Variants in SPATA22 observed in about 807,000 individuals in gnomAD.
SPATA22 encodes spermatogenesis-associated protein 22.
In SPATA22, 29 loss-of-function variants were observed where a neutral mutation model predicts 47.8. That is an observed-to-expected ratio of 0.61 (90% CI 0.45 to 0.83). SPATA22 has a LOEUF of 0.83. Among genes scored for constraint, SPATA22 ranks in the 40% least tolerant of loss-of-function variants. The pLI is 0.00. For missense variants in SPATA22, 410 were observed against 421.7 expected (o/e 0.97, Z 0.24); for synonymous variants, 133 against 140.9 (o/e 0.94, Z 0.40).
At chr17:3,492,814 T>G (rs2150757175) in intron 1 of SPATA22, among the ~76,000 whole-genome samples, 1 of 152,254 alleles carries the variant, frequency 6.6e-6, no homozygotes, top group East Asian at 1.9e-4. Context: ...CCAGGTGAGC[T>G]GTCAGCTTAC....
At chr17:3,446,414 C>T in intron 7 of SPATA22, 58 bp downstream of exon 7, 2 of 1,514,152 alleles carry the variant, frequency 1.3e-6, no homozygotes, top group Non-Finnish European at 8.9e-7. Context: ...ACTAATCAGA[C>T]ATTAAAACCT....
intron 5 of SPATA22, among the ~76,000 whole-genome samples, chr17:3,451,550 G>A (rs570547019): frequency 4.7e-4 from 72 of 152,216 alleles, no homozygotes; most frequent in Middle Eastern, 6.8e-3. Context: ...GATAACTCAC[G>A]TTAGGTCACA....
In SPATA22 at chr17:3,465,499, C is replaced by G. The variant is rs541870407; in HGVS notation, c.172+1927G>C. Among the ~76,000 whole-genome samples, 22 of 152,134 alleles carry G rather than the reference C, an allele frequency of 1.4e-4. No homozygotes were observed. The East Asian group carries it at 1.9e-3, about 13-fold the overall frequency. On this transcript the variant is annotated intron_variant, in intron 3 of 8. Transcript: ENST00000572969. ...CTTACCCCCCAACCCTGTGCTCTCT[C>G]AAACATGTGCTGTGTCCACTCAGGG... is the stretch of plus-strand genomic sequence containing the variant.
At position 3,510,058 on chromosome 17, in the gene SPATA22, A is replaced by G. The variant is rs375225270; in HGVS notation, c.-74+3354T>C. Among the ~76,000 whole-genome samples, 9 of 152,242 alleles carry G rather than the reference A, an allele frequency of 5.9e-5. No individual in the cohort carries two copies. The South Asian group carries it at 1.9e-3, about 32-fold the overall frequency. On this transcript the variant is annotated intron_variant, in intron 1 of 8. Transcript: ENST00000541913. ...TTTAAGTTACTTGTAAATTCTGGAT[A>G]TTAGACCTTTGTCAGATGGGTAGAT...
At chr17:3,454,341 G>C (rs1481232051) in intron 5 of SPATA22, among the ~76,000 whole-genome samples, 1 of 151,424 alleles carries the variant, frequency 6.6e-6, no homozygotes, top group African/African-American at 2.4e-5. Flanking sequence ...GGGTACATGT[G>C]CACAATGTGC....
intron 1 of SPATA22, chr17:3,494,474 T>G (rs1357840504): frequency 6.4e-7 from 1 of 1,569,032 alleles, no homozygotes; most frequent in Non-Finnish European, 8.8e-7. Context: ...CATTTGTTCT[T>G]TCTTTAAAAT....
At chr17:3,446,341 C>T in intron 7 of SPATA22, 131 bp downstream of exon 7, 1 of 572,280 alleles carries the variant, frequency 1.7e-6, no homozygotes, top group Non-Finnish European at 2.6e-6. Context: ...TTATTAAAAC[C>T]AGTTCTTTGA....
intron 5 of SPATA22, among the ~76,000 whole-genome samples, chr17:3,457,189 T>C (rs1266601955): frequency 6.6e-6 from 1 of 151,840 alleles, no homozygotes; most frequent in Admixed American, 6.6e-5. Flanking sequence ...GTGTTGGAAG[T>C]TCTGGCCAGG....
chr17:3,495,092 GA>G (rs3215041), intron 1 of SPATA22, among the ~76,000 whole-genome samples: 210 of 145,874 alleles, frequency 1.4e-3, no homozygotes, highest in African/African-American at 2.8e-3. Flanking sequence ...AGTGAAGAAG[GA>G]AAAAAAAAAG....
intron 7 of SPATA22, among the ~76,000 whole-genome samples, chr17:3,445,112 G>A (rs2072698650): frequency 6.6e-6 from 1 of 152,004 alleles, no homozygotes; most frequent in Admixed American, 6.6e-5. Flanking sequence ...CTGTAAATGA[G>A]GTGAGAGCCA....
chr17:3,452,117 G>A (rs1011688745), intron 5 of SPATA22, among the ~76,000 whole-genome samples: 4 of 151,664 alleles, frequency 2.6e-5, no homozygotes, highest in African/African-American at 9.7e-5. Flanking sequence ...AGCAAAAGCA[G>A]TACTAAGGGG....
At chr17:3,509,964 C>A (rs1178649659) in intron 1 of SPATA22, among the ~76,000 whole-genome samples, 2 of 152,132 alleles carry the variant, frequency 1.3e-5, no homozygotes, top group East Asian at 3.9e-4. Context: ...TAAATGTCTT[C>A]TTTTGAGAAG....
intron 5 of SPATA22, among the ~76,000 whole-genome samples, chr17:3,458,728 T>C (rs8079166): frequency 0.23 from 35,503 of 151,256 alleles, 4,438 homozygotes; most frequent in East Asian, 0.43. Flanking sequence ...ATAATCCCAG[T>C]TACTCGAGAG....
Position 3,462,523 on chromosome 17 carries a change from AG to A in SPATA22, c.288del (p.Ser97LeufsTer24). ...CTTCTTCCAGTATTTGATTGAATAG[AG>A]TTAAAGACAGAATCTTGACTTCTCA... is the stretch of plus-strand genomic sequence containing the variant. ...RPLRSQDSVF[N>X]SIQSNTGRSQ... On this transcript the variant is annotated frameshift_variant, in exon 5 of 9. Coordinates refer to ENST00000572969, the MANE Select transcript of SPATA22 (RefSeq NM_001170698.2). LOFTEE classifies it high-confidence loss of function. The A allele has an allele frequency of 6.2e-7, 1 of 1,612,654 alleles. No individual in the cohort carries two copies.
chr17:3,448,866 G>A lies in SPATA22; in HGVS notation c.613C>T (p.Gln205Ter). 1 of 1,612,918 alleles carries A rather than the reference G, an allele frequency of 6.2e-7. No homozygotes were observed. The change falls in exon 6 of 9, where the codon CAA (glutamine) becomes TAA (stop). Residue 205 changes from glutamine (Q) to a stop codon, truncating the protein, a stop_gained. Coordinates refer to ENST00000572969, the MANE Select transcript of SPATA22 (RefSeq NM_001170698.2). LOFTEE classifies it high-confidence loss of function. ...SALQTLKPNF[Q>*]QNQYKKQMLD... ...ATTTGTTTCTTATATTGATTTTGTT[G>A]AAAATTGGGCTTAAGTGTCTGTAGT... is the stretch of plus-strand genomic sequence containing the variant.
At chr17:3,451,288 T>C (rs1272491372) in intron 5 of SPATA22, among the ~76,000 whole-genome samples, 1 of 152,110 alleles carries the variant, frequency 6.6e-6, no homozygotes, top group African/African-American at 2.4e-5. Context: ...ATACATCCAA[T>C]ATCAGAGCAC....
At chr17:3,447,793 A>AGGAGACAGGAGACAGG (rs2072761285) in intron 6 of SPATA22, among the ~76,000 whole-genome samples, 2 of 152,174 alleles carry the variant, frequency 1.3e-5, no homozygotes, top group African/African-American at 2.4e-5. Flanking sequence ...TGTAACATTT[A>AGGAGACAGGAGACAGG]AGACAGGAGA....
At chr17:3,476,533 C>T (rs2073526496), upstream of SPATA22, 1 of 834,612 alleles carries the variant, frequency 1.2e-6, no homozygotes, top group Admixed American at 2.0e-5. Flanking sequence ...AGATCACTTT[C>T]ACTTTTAATT....
At chr17:3,496,566 A>C (rs1284817873) in intron 1 of SPATA22, among the ~76,000 whole-genome samples, 1 of 152,144 alleles carries the variant, frequency 6.6e-6, no homozygotes, top group Non-Finnish European at 1.5e-5. Flanking sequence ...AGGAGGAGTG[A>C]GCAGAGGACG....
Sources: allele counts gnomAD v4.1 joint callset (sites outside exome capture counted in the v4.1 genomes callset), GRCh38; gene constraint gnomAD v4.1.1; transcripts MANE v1.5; gene names NCBI Gene and HGNC (gene_info 2026-07-23, HGNC 2026-07-21).